PTPRD: variants seen among roughly 807,000 people sequenced by gnomAD.
PTPRD encodes the protein receptor-type tyrosine-protein phosphatase delta.
In PTPRD, 34 loss-of-function variants were observed where a neutral mutation model predicts 214.5. The ratio of observed to expected loss-of-function variants is 0.16; its 90% CI spans 0.12 to 0.21. The LOEUF (loss-of-function observed/expected upper bound fraction) is 0.21. Ranked by LOEUF, PTPRD falls within the 10% of genes least tolerant of loss-of-function variation. The pLI, the probability that PTPRD is intolerant of heterozygous loss-of-function variation, is 1.00. For synonymous variants in PTPRD, 1,128 were observed against 845.7 expected (o/e 1.33, Z -5.79); for missense variants, 2,545 against 2,398.7 (o/e 1.06, Z -1.27).
chr9:9,155,461 G>A (rs114619847), intron 10 of PTPRD, among the ~76,000 whole-genome samples: 5 of 152,072 alleles, frequency 3.3e-5, no homozygotes, highest in Admixed American at 1.3e-4. Context: ...TAAGTCTCTA[G>A]CCTACAAAGG....
At chr9:9,357,855 T>C (rs1596323512) in intron 9 of PTPRD, among the ~76,000 whole-genome samples, 1 of 150,814 alleles carries the variant, frequency 6.6e-6, no homozygotes, top group East Asian at 2.0e-4. Flanking sequence ...TTTATGTCTT[T>C]CCTTTTTTTT....
chr9:8,516,077 T>G (rs1164565854), intron 21 of PTPRD, among the ~76,000 whole-genome samples: 3 of 152,174 alleles, frequency 2.0e-5, no homozygotes. Flanking sequence ...GAATGTAAGT[T>G]CCCATATAAT....
At chr9:9,690,056 G>A (rs1029385095) in intron 7 of PTPRD, among the ~76,000 whole-genome samples, 9 of 151,756 alleles carry the variant, frequency 5.9e-5, no homozygotes, top group African/African-American at 2.2e-4. Flanking sequence ...AGATATTTGA[G>A]GACCCTCCAT....
intron 6 of PTPRD, among the ~76,000 whole-genome samples, chr9:9,764,703 A>C (rs2098691958): frequency 2.6e-5 from 4 of 152,162 alleles, no homozygotes; most frequent in Admixed American, 2.6e-4. Flanking sequence ...CCCTGTGATT[A>C]TTGTTAATAA....
At chr9:10,047,620 A>ATCCT (rs2097430838) in intron 3 of PTPRD, among the ~76,000 whole-genome samples, 1 of 151,986 alleles carries the variant, frequency 6.6e-6, no homozygotes, top group African/African-American at 2.4e-5. Flanking sequence ...CCCCTGCCAA[A>ATCCT]ATTTGTGTTG....
chr9:8,662,838 G>A (rs1717812759), intron 12 of PTPRD, among the ~76,000 whole-genome samples: 1 of 151,894 alleles, frequency 6.6e-6, no homozygotes, highest in Non-Finnish European at 1.5e-5. Flanking sequence ...TTGGTTCTGT[G>A]GCACACACAT....
At chr9:9,784,770 T>G (rs765493435) in intron 5 of PTPRD, among the ~76,000 whole-genome samples, 1 of 151,360 alleles carries the variant, frequency 6.6e-6, no homozygotes. Context: ...TTTATGTGTG[T>G]GTGTATATAT....
At chr9:9,024,059 C>T (rs964247730) in intron 10 of PTPRD, among the ~76,000 whole-genome samples, 12 of 151,310 alleles carry the variant, frequency 7.9e-5, no homozygotes, top group South Asian at 4.2e-4. Flanking sequence ...AGAAAAAAGA[C>T]AAAAATGAAA....
At chr9:8,701,888 T>A (rs76843058) in intron 12 of PTPRD, among the ~76,000 whole-genome samples, 12,137 of 152,256 alleles carry the variant, frequency 0.08, 614 homozygotes, top group East Asian at 0.16. Context: ...TTTATTGTAA[T>A]CTTTATTCTT....
At chr9:9,374,225 G>A (rs567829835) in intron 9 of PTPRD, among the ~76,000 whole-genome samples, 9 of 152,050 alleles carry the variant, frequency 5.9e-5, no homozygotes, top group African/African-American at 1.9e-4. Context: ...CTAGATAGCT[G>A]CCAAGGGGGA....
intron 9 of PTPRD, among the ~76,000 whole-genome samples, chr9:9,193,104 G>A (rs1027834769): frequency 4.6e-5 from 7 of 151,946 alleles, no homozygotes; most frequent in African/African-American, 1.7e-4. Flanking sequence ...ATATACAAAC[G>A]TTCAGTTAAA....
Position 8,373,856 on chromosome 9 carries a change from G to GTA in PTPRD, c.4661+2079_4661+2080insTA, listed in dbSNP as rs1330039223. On this transcript the variant is annotated intron_variant, in intron 39 of 45. Coordinates refer to ENST00000381196, the MANE Select transcript of PTPRD (RefSeq NM_002839.4). ...TGTATGTATGTATGTATGTGTATGTGTCTGTCTGTCTATCTATCTATCTAT... is the reference window on the plus strand; with the variant it reads ...TGTATGTATGTATGTATGTGTATGTGTATCTGTCTGTCTATCTATCTATCTAT... Among the ~76,000 whole-genome samples the GTA allele has an allele frequency of 4.5e-3, 386 of 86,094 alleles. 2 individuals are homozygous for GTA. Among genetic ancestry groups the GTA allele is most frequent in the Non-Finnish European group, 6.1e-3 (274 of 44,888 alleles). The allele number at this position is 86,094 out of a possible 152,430, so 56.5% of individuals were successfully genotyped here.
chr9:9,245,088 T>C (rs1269927733), intron 9 of PTPRD, among the ~76,000 whole-genome samples: 1 of 152,170 alleles, frequency 6.6e-6, no homozygotes, highest in Non-Finnish European at 1.5e-5. Flanking sequence ...CACAATGAGA[T>C]ATCGTCTCAT....
chr9:8,452,635 A>G (rs1036789146), intron 33 of PTPRD, among the ~76,000 whole-genome samples: 11 of 152,138 alleles, frequency 7.2e-5, no homozygotes, highest in African/African-American at 2.7e-4. Flanking sequence ...GTGCGAGTTT[A>G]TTTCTTGCAG....
rs543354462 is a variant in PTPRD at position 10,264,520 on chromosome 9, C to A, written c.-545+76443G>T. Among the ~76,000 whole-genome samples, 3 of 152,186 alleles carry A rather than the reference C, an allele frequency of 2.0e-5. No individual in the cohort carries two copies. In the East Asian group the frequency reaches 5.8e-4, roughly 29 times the overall value. ...TTTGGACTTGCATGGGGCCTTTAGT[C>A]CCTTTGTTTTGGCCATTCTCTCCCA... On this transcript the variant is annotated intron_variant, in intron 3 of 45. Coordinates refer to ENST00000381196, the MANE Select transcript of PTPRD (RefSeq NM_002839.4).
chr9:8,914,920 C>G (rs1566973488), intron 11 of PTPRD, among the ~76,000 whole-genome samples: 1 of 152,092 alleles, frequency 6.6e-6, no homozygotes, highest in Non-Finnish European at 1.5e-5. Context: ...ACTACTTCTA[C>G]CATCCTGTCC....
intron 2 of PTPRD, among the ~76,000 whole-genome samples, chr9:10,580,798 G>C (rs1054101487): frequency 6.6e-6 from 1 of 152,168 alleles, no homozygotes; most frequent in African/African-American, 2.4e-5. Flanking sequence ...CAGAGTATCT[G>C]ATCCTTAAAT....
chr9:9,745,031 C>T (rs1315201253), intron 6 of PTPRD, among the ~76,000 whole-genome samples: 9 of 151,884 alleles, frequency 5.9e-5, no homozygotes, highest in East Asian at 3.9e-4. Context: ...TAAGTGATTT[C>T]GATTGAAACA....
chr9:10,193,724 A>G lies in PTPRD; in HGVS notation c.-545+147239T>C, dbSNP rs558498478. Among the ~76,000 whole-genome samples, 11 of 152,310 alleles carry G rather than the reference A, an allele frequency of 7.2e-5. No homozygotes were observed. The South Asian group carries it at 2.1e-3, about 29-fold the overall frequency. On this transcript the variant is annotated intron_variant, in intron 3 of 45. Coordinates refer to ENST00000381196, the MANE Select transcript of PTPRD (RefSeq NM_002839.4). ...TAGCAAAGGTTCTCCTATTTTGGGT[A>G]ACACGTATGGTATCTGGAAAGAGTT...
Sources: allele counts gnomAD v4.1 joint callset (sites outside exome capture counted in the v4.1 genomes callset), GRCh38; gene constraint gnomAD v4.1.1; transcripts MANE v1.5; gene names NCBI Gene and HGNC (gene_info 2026-07-23, HGNC 2026-07-21).